CAMTA1: variants seen among roughly 807,000 people sequenced by gnomAD.
CAMTA1 encodes the protein calmodulin binding transcription activator 1.
CAMTA1 carries 27 observed loss-of-function variants against 170.9 expected under a neutral mutation model. That is an observed-to-expected ratio of 0.16 (90% CI 0.12 to 0.22). The LOEUF (loss-of-function observed/expected upper bound fraction) is 0.22. Ranked by LOEUF, CAMTA1 falls within the 10% of genes least tolerant of loss-of-function variation. The probability of loss-of-function intolerance (pLI) is 1.00; values close to 1 mark genes in which losing one functional copy is unlikely to be tolerated. For missense variants in CAMTA1, 1,619 were observed against 2,217.2 expected, an observed-to-expected ratio of 0.73 and a Z score of 5.42; for synonymous variants, 833 against 891.5, an observed-to-expected ratio of 0.93 and a Z score of 1.17.
intron 6 of CAMTA1, among the ~76,000 whole-genome samples, chr1:7,528,007 G>A (rs2094449077): frequency 6.6e-6 from 1 of 152,182 alleles, no homozygotes; most frequent in African/African-American, 2.4e-5. Flanking sequence ...ACTAGAGACG[G>A]AGCCCTGGGG....
At chr1:7,344,330 T>G (rs2084064367) in intron 5 of CAMTA1, among the ~76,000 whole-genome samples, 3 of 152,308 alleles carry the variant, frequency 2.0e-5, no homozygotes, top group Admixed American at 6.5e-5. Context: ...TACAGGCTTC[T>G]TAGAGCCAAC....
Position 6,887,714 on chromosome 1 carries a change from C to T in CAMTA1, c.234+62504C>T. ...GAAGAGGGATCCACAGAGCTGGAGC[C>T]ATGAGGGCTGACACATTGGAATGAA... On this transcript the variant is annotated intron_variant, in intron 3 of 22. Coordinates refer to ENST00000303635, the MANE Select transcript of CAMTA1 (RefSeq NM_015215.4). The surrounding 1 kb of genome is among the most constrained non-coding windows in gnomAD (Gnocchi z 4.1). 1.3e-6 allele frequency: 2 copies of T among 1,535,312 alleles called. No homozygotes were observed. Among genetic ancestry groups the T allele is most frequent in the Non-Finnish European group, 1.7e-6 (2 of 1,146,638 alleles).
At chr1:7,140,871 G>A (rs1645850161) in intron 4 of CAMTA1, among the ~76,000 whole-genome samples, 1 of 152,088 alleles carries the variant, frequency 6.6e-6, no homozygotes. Context: ...AAAATTATCT[G>A]CTTTATGATG....
At position 7,479,815 on chromosome 1, in the gene CAMTA1, G is replaced by A. The variant is rs546941484; in HGVS notation, c.510+11914G>A. On this transcript the variant is annotated intron_variant, in intron 6 of 22. Coordinates refer to ENST00000303635, the MANE Select transcript of CAMTA1 (RefSeq NM_015215.4). ...TGCTTCTGCCAGAGCAGCCCCACTG[G>A]CTGGCAGCCACCGAACCCACATAGC... is the stretch of plus-strand genomic sequence containing the variant. Among the ~76,000 whole-genome samples the A allele has an allele frequency of 2.1e-4, 32 of 152,324 alleles. 1 individual carries two copies. In the South Asian group the frequency reaches 6.6e-3, roughly 32 times the overall value.
intron 5 of CAMTA1, among the ~76,000 whole-genome samples, chr1:7,405,199 GA>G (rs1191786999): frequency 1.3e-5 from 2 of 152,046 alleles, no homozygotes; most frequent in African/African-American, 4.8e-5. Context: ...CTCAATAATG[GA>G]GTCAGATATC....
chr1:7,754,966 TTTAA>T (rs2096921220), intron 21 of CAMTA1, among the ~76,000 whole-genome samples: 1 of 152,230 alleles, frequency 6.6e-6, no homozygotes, highest in Admixed American at 6.5e-5. Flanking sequence ...GGTTGAGTTA[TTTAA>T]TGTTATTTTA....
chr1:7,594,242 A>AAGGAAGG (rs59901874), intron 6 of CAMTA1, among the ~76,000 whole-genome samples: 2,503 of 123,886 alleles, frequency 0.02, 123 homozygotes, highest in African/African-American at 0.057. Flanking sequence ...AGGAAGGAAG[A>AAGGAAGG]AAGAAAAGAA....
chr1:6,899,780 C>T lies in CAMTA1; in HGVS notation c.234+74570C>T, dbSNP rs750688941. ...AAGGTTGTGGAATGGAAGAAAATCA[C>T]GTGGTGGCAGCAATACATTTTAAAC... On this transcript the variant is annotated intron_variant, in intron 3 of 22. Coordinates refer to ENST00000303635, the MANE Select transcript of CAMTA1 (RefSeq NM_015215.4). Among the ~76,000 whole-genome samples, 20 of 152,294 alleles carry T rather than the reference C, an allele frequency of 1.3e-4. No individual in the cohort carries two copies. The Middle Eastern group carries it at 0.02, about 155-fold the overall frequency.
At chr1:7,720,623 T>C (rs1029072521) in intron 11 of CAMTA1, among the ~76,000 whole-genome samples, 3 of 152,136 alleles carry the variant, frequency 2.0e-5, no homozygotes, top group Non-Finnish European at 4.4e-5. Flanking sequence ...TCAAGTGATC[T>C]GCCTGCCTCA....
At chr1:7,460,148 G>A (rs1391097894) in intron 5 of CAMTA1, among the ~76,000 whole-genome samples, 2 of 152,240 alleles carry the variant, frequency 1.3e-5, no homozygotes, top group African/African-American at 2.4e-5. Flanking sequence ...GCTTCACCCC[G>A]CATGCGGGAC....
In CAMTA1 at chr1:7,207,010, C is replaced by T. The variant is rs530230785; in HGVS notation, c.303-42481C>T. 2.0e-5 allele frequency among the ~76,000 whole-genome samples: 3 copies of T among 152,336 alleles called. No homozygotes were observed. The South Asian group carries it at 6.2e-4, about 32-fold the overall frequency. ...GAGTTGAGAATGGCAACGCTGCTTT[C>T]CTAGTCTCCTGAGAGGGAAACACAC... On this transcript the variant is annotated intron_variant, in intron 4 of 22. Transcript: ENST00000303635.
At chr1:6,944,646 TGTCACATTGC>T (rs1452326765) in intron 3 of CAMTA1, among the ~76,000 whole-genome samples, 1 of 152,172 alleles carries the variant, frequency 6.6e-6, no homozygotes, top group Non-Finnish European at 1.5e-5. Flanking sequence ...GGTCTCCCTG[TGTCACATTGC>T]GTCATAACCC....
chr1:7,438,549 T>G (rs1196295172), intron 5 of CAMTA1, among the ~76,000 whole-genome samples: 9 of 152,240 alleles, frequency 5.9e-5, no homozygotes, highest in Non-Finnish European at 5.9e-5. Flanking sequence ...CATCCACCAC[T>G]GGCCCCTGTG....
chr1:7,737,204 C>A, intron 14 of CAMTA1, 51 bp from the exon 15 acceptor site: 1 of 1,569,990 alleles, frequency 6.4e-7, no homozygotes, highest in South Asian at 1.2e-5. Context: ...AAAGTCAGGT[C>A]TGGTCTTGAC....
chr1:7,493,652 G>A (rs920697585), intron 6 of CAMTA1, among the ~76,000 whole-genome samples: 1 of 127,108 alleles, frequency 7.9e-6, no homozygotes, highest in Non-Finnish European at 1.7e-5. Context: ...CTGGGGGGGG[G>A]GGGGGGTCAG....
intron 4 of CAMTA1, among the ~76,000 whole-genome samples, chr1:7,120,163 C>G (rs576603397): frequency 6.6e-6 from 1 of 152,208 alleles, no homozygotes; most frequent in Non-Finnish European, 1.5e-5. Context: ...TAACAAATTA[C>G]CCCACACTGA....
intron 11 of CAMTA1, among the ~76,000 whole-genome samples, chr1:7,691,688 GA>G (rs1468004728): frequency 2.6e-5 from 4 of 152,174 alleles, no homozygotes; most frequent in Admixed American, 2.6e-4. Flanking sequence ...ACATCTGTGT[GA>G]AAAGTCAATG....
chr1:7,672,098 G>A (rs899022787), intron 10 of CAMTA1: 2 of 456,042 alleles, frequency 4.4e-6, no homozygotes, highest in Non-Finnish European at 8.8e-6. Context: ...CCATAAACAG[G>A]AGGGGGGTAA....
chr1:7,069,186 C>T (rs1247955725), intron 3 of CAMTA1, among the ~76,000 whole-genome samples: 1 of 152,212 alleles, frequency 6.6e-6, no homozygotes, highest in Non-Finnish European at 1.5e-5. Context: ...TCATCCTTCA[C>T]CACGAAGAGG....
Sources: gnomAD v4.1 joint callset for allele counts (sites outside exome capture counted in the v4.1 genomes callset) on GRCh38, gnomAD v4.1.1 for gene constraint, Gnocchi (gnomAD v3.1) non-coding constraint, MANE v1.5 for transcripts, NCBI Gene and HGNC (gene_info 2026-07-23, HGNC 2026-07-21) for gene names.